Variants in ZNF462 observed in about 807,000 individuals in gnomAD.
ZNF462 encodes the protein zinc finger PBX1-interacting protein.
A neutral mutation model predicts 201.9 loss-of-function variants in ZNF462; 10 were observed. That is an observed-to-expected ratio of 0.05 (90% CI 0.03 to 0.08). ZNF462 has a LOEUF of 0.08. Ranked by LOEUF, ZNF462 falls within the 10% of genes least tolerant of loss-of-function variation. ZNF462 has a pLI of 1.00. For missense variants in ZNF462, 2,523 were observed against 3,168.3 expected (o/e 0.80, Z 4.89); for synonymous variants, 1,227 against 1,193.3 (o/e 1.03, Z -0.58).
At position 106,963,634 on chromosome 9, in the gene ZNF462, T is replaced by G. The variant is rs548288386; in HGVS notation, c.6428-8371T>G. Among the ~76,000 whole-genome samples, 1 of 152,176 alleles carries G rather than the reference T, an allele frequency of 6.6e-6. No homozygotes were observed. The highest frequency in any genetic ancestry group is 2.1e-4 in the South Asian group (1 of 4,834). ...TGATAATTAAAGTTTATGAAGTTTG[T>G]AAGGAACCTAACAGATGATCTTGTC... On this transcript the variant is annotated intron_variant, in intron 7 of 12. Coordinates refer to ENST00000277225, the MANE Select transcript of ZNF462 (RefSeq NM_021224.6). This position sits in a 1 kb window ranked among gnomAD's most constrained non-coding sequence, Gnocchi z 4.7.
At chr9:106,960,507 G>A (rs773311678) in intron 7 of ZNF462, among the ~76,000 whole-genome samples, 3 of 151,984 alleles carry the variant, frequency 2.0e-5, no homozygotes, top group Admixed American at 1.3e-4. Flanking sequence ...TTTTCAGTGT[G>A]GTAAAGACAT....
rs889396886 is a variant in ZNF462 at position 106,893,615 on chromosome 9, G to A, written c.-30-29739G>A. On this transcript the variant is annotated intron_variant, in intron 1 of 12. Coordinates refer to ENST00000277225, the MANE Select transcript of ZNF462 (RefSeq NM_021224.6). ...TAACTCATCCCCAAACTAATATGTC[G>A]AAAGCAACAGGCTCTGATGGAGAGG... 3.9e-5 allele frequency among the ~76,000 whole-genome samples: 6 copies of A among 152,198 alleles called. 1 individual carries two copies. In the South Asian group the frequency reaches 6.2e-4, roughly 16 times the overall value.
rs926623328 is a variant in ZNF462, at chr9:106,902,730, T to C, written c.-30-20624T>C. 6.6e-6 allele frequency among the ~76,000 whole-genome samples: 1 copy of C among 152,140 alleles called. No homozygotes were observed. Among genetic ancestry groups the C allele is most frequent in the African/African-American group, 2.4e-5 (1 of 41,446 alleles). On this transcript the variant is annotated intron_variant, in intron 1 of 12. Transcript: ENST00000277225. The surrounding 1 kb of genome is among the most constrained non-coding windows in gnomAD (Gnocchi z 4.2). ...TGCATAAAGATGTTCATAGTAACCTTGAATGATCTTTTTGTATTTCTGTGG... is the reference window on the plus strand; with the variant it reads ...TGCATAAAGATGTTCATAGTAACCTCGAATGATCTTTTTGTATTTCTGTGG...
chr9:106,925,412 T>C lies in ZNF462; in HGVS notation c.1500T>C (p.Asp500=). 6.2e-7 allele frequency: 1 copy of C among 1,614,244 alleles called. No homozygotes were observed. The part of the protein sequence containing the change: ...QCHTGTTSDW[D]AVNSQSESIS... ...ACACGGGTACAACGTCAGATTGGGA[T>C]GCTGTGAATTCCCAGAGTGAAAGCA... Residue 500 remains aspartate (D), a synonymous_variant, in exon 3 of 13, where the codon GAT becomes GAC. Transcript: ENST00000277225. The surrounding 1 kb of genome is among the most constrained non-coding windows in gnomAD (Gnocchi z 7.9).
intron 7 of ZNF462, among the ~76,000 whole-genome samples, chr9:106,943,355 A>G (rs2131671171): frequency 6.6e-6 from 1 of 152,314 alleles, no homozygotes; most frequent in South Asian, 2.1e-4. Context: ...CTCATCAAGG[A>G]ACCACATGTA....
At position 106,935,916 on chromosome 9, in the gene ZNF462, C is replaced by T. The variant is rs1355131773; in HGVS notation, c.6235+295C>T. 6.6e-6 allele frequency among the ~76,000 whole-genome samples: 1 copy of T among 152,186 alleles called. No homozygotes were observed. The highest frequency in any genetic ancestry group is 1.5e-5 in the Non-Finnish European group (1 of 68,034). On this transcript the variant is annotated intron_variant, in intron 6 of 12. Transcript: ENST00000277225. This position sits in a 1 kb window ranked among gnomAD's most constrained non-coding sequence, Gnocchi z 4.1. ...CTGTTGGTGATTTTTACAGAAATTT[C>T]TAAACTGCCTATACTTTCTAATTCA...
rs1036188650 is a variant in ZNF462 at position 107,011,088 on chromosome 9, G to C, written c.*58G>C. 6.4e-7 allele frequency: 1 copy of C among 1,555,998 alleles called. No individual in the cohort carries two copies. The highest frequency in any genetic ancestry group is 1.1e-5 in the South Asian group (1 of 88,414). ...TGAACAGTGATGAAAAAGTGGGAGG[G>C]CTGGCTTGGGCTGAGAAGGGAGGGA... On this transcript the variant is annotated 3_prime_UTR_variant, in exon 13 of 13. Transcript: ENST00000277225. The surrounding 1 kb of genome is among the most constrained non-coding windows in gnomAD (Gnocchi z 5.6).
chr9:106,937,930 T>C (rs1830700447), intron 6 of ZNF462, among the ~76,000 whole-genome samples: 1 of 152,230 alleles, frequency 6.6e-6, no homozygotes, highest in Non-Finnish European at 1.5e-5. Context: ...TATTACTCTT[T>C]GAAATGGAGT....
At position 106,863,261 on chromosome 9, in the gene ZNF462, A is replaced by G; in HGVS notation, c.-125A>G. The G allele has an allele frequency of 2.5e-6, 1 of 399,098 alleles. No homozygotes were observed. The highest frequency in any genetic ancestry group is 4.4e-6 in the Non-Finnish European group (1 of 226,188). 24.7% of individuals were successfully genotyped at this position (399,098 alleles called of 1,614,324 possible). ...AGACTCCCAAACAACTTCCACAACA[A>G]TAACCCGAGCAGGAAGAGGAGAAAG... On this transcript the variant is annotated 5_prime_UTR_variant, in exon 1 of 13. Coordinates refer to ENST00000277225, the MANE Select transcript of ZNF462 (RefSeq NM_021224.6).
At position 107,003,457 on chromosome 9, in the gene ZNF462, A is replaced by G; in HGVS notation, c.7189+31A>G. ...TCTCATCCTGCCCTCCCAATCCCAG[A>G]TGGCATCTGGCATGTCCGTAGTGAG... On this transcript the variant is annotated intron_variant, in intron 11 of 12. Coordinates refer to ENST00000277225, the MANE Select transcript of ZNF462 (RefSeq NM_021224.6). The surrounding 1 kb of genome is among the most constrained non-coding windows in gnomAD (Gnocchi z 4.4). 1.2e-6 allele frequency: 2 copies of G among 1,611,118 alleles called. No homozygotes were observed. The highest frequency in any genetic ancestry group is 8.5e-7 in the Non-Finnish European group (1 of 1,178,934).
At position 106,886,172 on chromosome 9, in the gene ZNF462, C is replaced by CACT. The variant is rs1828308088; in HGVS notation, c.-31+22821_-31+22823dup. ...GGTAGCCACATAATGACTCATTGAG[C>CACT]ACTACTGACTTAGTAAAAAAGAAAA... On this transcript the variant is annotated intron_variant, in intron 1 of 12. Transcript: ENST00000277225. This position sits in a 1 kb window ranked among gnomAD's most constrained non-coding sequence, Gnocchi z 4.6. Among the ~76,000 whole-genome samples, 1 of 152,120 alleles carries CACT rather than the reference C, an allele frequency of 6.6e-6. No individual in the cohort carries two copies. The highest frequency in any genetic ancestry group is 1.5e-5 in the Non-Finnish European group (1 of 68,026).
intron 1 of ZNF462, among the ~76,000 whole-genome samples, chr9:106,894,060 A>C (rs148852352): frequency 1.3e-5 from 2 of 152,250 alleles, no homozygotes; most frequent in East Asian, 1.9e-4. Context: ...TTATAATCCT[A>C]TGAAATAGTA....
intron 1 of ZNF462, among the ~76,000 whole-genome samples, chr9:106,918,021 G>A (rs1180046741): frequency 6.6e-6 from 1 of 151,658 alleles, no homozygotes; most frequent in Non-Finnish European, 1.5e-5. Flanking sequence ...GATTACAGGT[G>A]CCCACCACCA....
At chr9:106,887,620 A>G (rs1828379259) in intron 1 of ZNF462, among the ~76,000 whole-genome samples, 1 of 152,218 alleles carries the variant, frequency 6.6e-6, no homozygotes, top group Non-Finnish European at 1.5e-5. Flanking sequence ...TAGTAGCACA[A>G]ACACCCTCTG....
rs1482425703 is a variant in ZNF462 at position 106,917,376 on chromosome 9, G to T, written c.-30-5978G>T. 1.3e-5 allele frequency among the ~76,000 whole-genome samples: 2 copies of T among 152,154 alleles called. No homozygotes were observed. Among genetic ancestry groups the T allele is most frequent in the East Asian group, 3.8e-4 (2 of 5,198 alleles). Reference sequence around the variant, plus strand: ...GCATCCTTGGCCAGTAGGTGATTGGGTTATTAATCTGCAAATTGCCTGCTT... The same window carrying T: ...GCATCCTTGGCCAGTAGGTGATTGGTTTATTAATCTGCAAATTGCCTGCTT... On this transcript the variant is annotated intron_variant, in intron 1 of 12. Coordinates refer to ENST00000277225, the MANE Select transcript of ZNF462 (RefSeq NM_021224.6). The surrounding 1 kb of genome is among the most constrained non-coding windows in gnomAD (Gnocchi z 4.5).
Position 107,003,517 on chromosome 9 carries a change from C to A in ZNF462, c.7189+91C>A. On this transcript the variant is annotated intron_variant, in intron 11 of 12. Transcript: ENST00000277225. The surrounding 1 kb of genome is among the most constrained non-coding windows in gnomAD (Gnocchi z 4.4). ...AGGCAGGAGGTTGTTGTAGGAGTAA[C>A]AGAAGGAATGATCCTTCTTAGTTAA... is the stretch of plus-strand genomic sequence containing the variant. The A allele has an allele frequency of 6.7e-7, 1 of 1,500,310 alleles. No homozygotes were observed. Among genetic ancestry groups the A allele is most frequent in the African/African-American group, 1.4e-5 (1 of 72,020 alleles). 92.9% of individuals were successfully genotyped at this position (1,500,310 alleles called of 1,614,324 possible). A position where few individuals can be genotyped will look rare whatever the true frequency, so the allele number is the denominator to read the frequency against.
intron 1 of ZNF462, among the ~76,000 whole-genome samples, chr9:106,879,845 G>GAGC (rs977266674): frequency 3.9e-5 from 6 of 152,126 alleles, no homozygotes. Context: ...GAAAGCTGAT[G>GAGC]AGCAAGTACA....
At chr9:106,946,434 A>C (rs58026916) in intron 7 of ZNF462, among the ~76,000 whole-genome samples, 4,274 of 152,258 alleles carry the variant, frequency 0.028, 217 homozygotes, top group African/African-American at 0.097. Flanking sequence ...CTAGTATTTT[A>C]GCCCAATTTT....
At position 106,928,671 on chromosome 9, in the gene ZNF462, G is replaced by T. The variant is rs374327537; in HGVS notation, c.4759G>T (p.Gly1587Cys). The T allele has an allele frequency of 1.4e-5, 23 of 1,614,010 alleles. No individual in the cohort carries two copies. The South Asian group carries it at 2.2e-4, about 15-fold the overall frequency. ...YRCKLCPYTHGTLEKLKIHYE... is the reference protein window; with the variant it reads ...YRCKLCPYTHCTLEKLKIHYE... ...GTGCAAACTGTGTCCGTACACACAC[G>T]GCACTTTGGAGAAACTAAAAATCCA... The change falls in exon 3 of 13, where the codon GGC (glycine) becomes TGC (cysteine). Residue 1587 changes from glycine (G) to cysteine (C), a missense_variant. Around this residue, in one of 15 missense-constraint regions of ZNF462, gnomAD observed 200 missense variants for 281.3 expected, o/e 0.71. Coordinates refer to ENST00000277225, the MANE Select transcript of ZNF462 (RefSeq NM_021224.6). This position sits in a 1 kb window ranked among gnomAD's most constrained non-coding sequence, Gnocchi z 9.3.
Sources: allele counts gnomAD v4.1 joint callset (sites outside exome capture counted in the v4.1 genomes callset), GRCh38; gene constraint gnomAD v4.1.1; regional missense constraint gnomAD v4.1.1; non-coding constraint Gnocchi (gnomAD v3.1); transcripts MANE v1.5; gene names NCBI Gene and HGNC (gene_info 2026-07-23, HGNC 2026-07-21).